MAP4: variants seen among roughly 807,000 people sequenced by gnomAD.
The protein encoded by MAP4 is microtubule-associated protein 4.
MAP4 carries 76 observed loss-of-function variants against 170.2 expected under a neutral mutation model. That is an observed-to-expected ratio of 0.45 (90% CI 0.37 to 0.54). The LOEUF is 0.54. Ranked by LOEUF, MAP4 falls within the 20% of genes least tolerant of loss-of-function variation. The probability of loss-of-function intolerance (pLI) is 0.00; values close to 1 mark genes in which losing one functional copy is unlikely to be tolerated. For missense variants in MAP4, 2,506 were observed against 2,748.0 expected (o/e 0.91, Z 1.97); for synonymous variants, 909 against 994.5 (o/e 0.91, Z 1.62).
rs189774206 is a variant in MAP4 at position 47,923,861 on chromosome 3, T to A, written c.416-1983A>T. ...GAACAAAATTAAGAAAAAGAAAAGA[T>A]GGGGAGATAGAATATGAGAGAGATG... On this transcript the variant is annotated intron_variant, in intron 4 of 20. Transcript: ENST00000683076. Among the ~76,000 whole-genome samples the A allele has an allele frequency of 4.1e-3, 618 of 151,986 alleles. 5 individuals carry two copies. Among genetic ancestry groups the A allele is most frequent in the African/African-American group, 0.014 (590 of 41,480 alleles).
At chr3:47,888,619 G>A (rs1221292129) in intron 10 of MAP4, among the ~76,000 whole-genome samples, 1 of 152,220 alleles carries the variant, frequency 6.6e-6, no homozygotes, top group Admixed American at 6.5e-5. Flanking sequence ...CTTAAGAGCT[G>A]TAACACTCAC....
intron 15 of MAP4, among the ~76,000 whole-genome samples, chr3:47,870,475 T>C (rs942468871): frequency 6.6e-6 from 1 of 152,188 alleles, no homozygotes; most frequent in Non-Finnish European, 1.5e-5. Flanking sequence ...ACTAGGCTCA[T>C]GTCAAGTGTC....
intron 1 of MAP4, among the ~76,000 whole-genome samples, chr3:47,999,361 C>T (rs2100097952): frequency 6.6e-6 from 1 of 151,982 alleles, no homozygotes; most frequent in South Asian, 2.1e-4. Context: ...GTCCTGTCAA[C>T]CAAACTACTT....
chr3:47,989,690 A>G lies in MAP4; in HGVS notation c.223+8948T>C, dbSNP rs960430870. Among the ~76,000 whole-genome samples, 3 of 152,176 alleles carry G rather than the reference A, an allele frequency of 2.0e-5. No individual in the cohort carries two copies. In the East Asian group the frequency reaches 5.8e-4, roughly 29 times the overall value. On this transcript the variant is annotated intron_variant, in intron 2 of 20. Transcript: ENST00000683076. ...AATAAAAACAACGTAACAACACTAA[A>G]AACAATAAGGTTGACAAGTAGAAAA...
chr3:48,086,887 A>C (rs2100149320), intron 1 of MAP4, among the ~76,000 whole-genome samples: 1 of 152,192 alleles, frequency 6.6e-6, no homozygotes, highest in Non-Finnish European at 1.5e-5. Flanking sequence ...ATTCTCAAGC[A>C]CTTGAATCAT....
In MAP4 at chr3:47,853,391, CGA is replaced by C. The variant is rs869212963; in HGVS notation, c.6697-41_6697-40del. 25 of 1,411,804 alleles carry C rather than the reference CGA, an allele frequency of 1.8e-5. No homozygotes were observed. In the South Asian group the frequency reaches 1.9e-4, roughly 11 times the overall value. 87.5% of individuals were successfully genotyped at this position (1,411,804 alleles called of 1,614,324 possible). A position where few individuals can be genotyped will look rare whatever the true frequency, so the allele number is the denominator to read the frequency against. ...GTGGGGGAGACAGTGCAGGGTCAGT[CGA>C]GGGGGGGAGTGGGATGGGGTGATGG... On this transcript the variant is annotated intron_variant, in intron 19 of 20. Transcript: ENST00000683076.
chr3:48,061,391 C>T (rs914228201), intron 1 of MAP4, among the ~76,000 whole-genome samples: 3 of 152,108 alleles, frequency 2.0e-5, no homozygotes, highest in Non-Finnish European at 2.9e-5. Flanking sequence ...GACGGGGTTT[C>T]GCCTGTTGGC....
chr3:47,922,994 G>A (rs983906678), intron 4 of MAP4, among the ~76,000 whole-genome samples: 7 of 151,996 alleles, frequency 4.6e-5, no homozygotes, highest in Non-Finnish European at 1.5e-5. Context: ...AGGTGGCAGT[G>A]AGCCGAGATG....
At chr3:47,892,322 A>G in intron 10 of MAP4, 1 of 1,536,272 alleles carries the variant, frequency 6.5e-7, no homozygotes, top group Admixed American at 2.0e-5. Context: ...TTGCCCGTCC[A>G]TGCTGACATT....
intron 19 of MAP4, among the ~76,000 whole-genome samples, chr3:47,854,960 G>A (rs189950658): frequency 3.0e-4 from 46 of 152,330 alleles, no homozygotes; most frequent in Admixed American, 5.9e-4. Context: ...GTCCCAGTCC[G>A]TGGCCTTCTC....
intron 3 of MAP4, among the ~76,000 whole-genome samples, chr3:47,951,937 G>A (rs2100064337): frequency 6.6e-6 from 1 of 151,716 alleles, no homozygotes; most frequent in South Asian, 2.1e-4. Flanking sequence ...TCCCAACTAG[G>A]AAGTGTGGAG....
At chr3:48,026,537 A>G (rs1257207800) in intron 1 of MAP4, among the ~76,000 whole-genome samples, 3 of 152,234 alleles carry the variant, frequency 2.0e-5, no homozygotes, top group Admixed American at 1.3e-4. Context: ...AGAGTGTAAG[A>G]AAAACTTATT....
chr3:48,084,018 C>T (rs1301522397), intron 1 of MAP4, among the ~76,000 whole-genome samples: 2 of 151,980 alleles, frequency 1.3e-5, no homozygotes, highest in Non-Finnish European at 2.9e-5. Context: ...AGCCATCATG[C>T]CCAAGCCAAG....
intron 2 of MAP4, among the ~76,000 whole-genome samples, chr3:47,986,718 A>T (rs987125016): frequency 6.6e-6 from 1 of 152,190 alleles, no homozygotes; most frequent in South Asian, 2.1e-4. Flanking sequence ...CCCCAAAAAG[A>T]ACTATTAGTT....
At chr3:48,048,568 A>C (rs1214955995) in intron 1 of MAP4, among the ~76,000 whole-genome samples, 4 of 123,882 alleles carry the variant, frequency 3.2e-5, no homozygotes, top group East Asian at 5.2e-4. Context: ...CTCAGGCTAG[A>C]GTGCAGTGGC....
At chr3:47,979,786 G>A (rs1259296102) in intron 2 of MAP4, among the ~76,000 whole-genome samples, 2 of 151,710 alleles carry the variant, frequency 1.3e-5, no homozygotes, top group South Asian at 2.1e-4. Context: ...GGTAATATGA[G>A]CCCTCCAACT....
intron 17 of MAP4, among the ~76,000 whole-genome samples, chr3:47,858,586 G>GGTT (rs1553721959): frequency 1.4e-5 from 2 of 145,180 alleles, no homozygotes; most frequent in African/African-American, 5.2e-5. Flanking sequence ...GTGAGGGGGT[G>GGTT]GTGTGTGTGT....
At chr3:48,084,502 C>T (rs1217791122) in intron 1 of MAP4, among the ~76,000 whole-genome samples, 1 of 151,838 alleles carries the variant, frequency 6.6e-6, no homozygotes, top group East Asian at 1.9e-4. Flanking sequence ...TAAAGACTGG[C>T]CTAGGAGCTC....
At chr3:47,974,177 G>T (rs2100080550) in intron 3 of MAP4, 2 of 955,426 alleles carry the variant, frequency 2.1e-6, no homozygotes, top group South Asian at 9.7e-5. Flanking sequence ...TGTAATCCCA[G>T]CACTTTGGGT....
Sources: gnomAD v4.1 joint callset for allele counts (sites outside exome capture counted in the v4.1 genomes callset) on GRCh38, gnomAD v4.1.1 for gene constraint, MANE v1.5 for transcripts, NCBI Gene and HGNC (gene_info 2026-07-23, HGNC 2026-07-21) for gene names.